The following KMT2C variants were observed in gnomAD, a reference collection of about 807,000 sequenced individuals.
The protein encoded by KMT2C is histone-lysine N-methyltransferase 2C.
KMT2C carries 88 observed loss-of-function variants against 507.9 expected under a neutral mutation model. The observed-to-expected ratio is 0.17, with a 90% CI of 0.15 to 0.21. The LOEUF is 0.21. Ranked by LOEUF, KMT2C falls within the 10% of genes least tolerant of loss-of-function variation. The probability of loss-of-function intolerance (pLI) is 1.00; values close to 1 mark genes in which losing one functional copy is unlikely to be tolerated. For missense variants in KMT2C, 4,954 were observed against 5,957.8 expected (o/e 0.83, Z 5.55); for synonymous variants, 2,049 against 2,080.8 (o/e 0.98, Z 0.42).
chr7:152,259,586 A>T (rs1393152576), intron 9 of KMT2C, among the ~76,000 whole-genome samples: 1 of 152,150 alleles, frequency 6.6e-6, no homozygotes, highest in African/African-American at 2.4e-5. Context: ...ATTTTCTCCA[A>T]CTTTTAGAGT....
intron 14 of KMT2C, among the ~76,000 whole-genome samples, chr7:152,247,432 C>A (rs1409386468): frequency 6.6e-6 from 1 of 152,014 alleles, no homozygotes; most frequent in East Asian, 1.9e-4. Context: ...ATAAAAACAT[C>A]AAAATGAGAA....
At chr7:152,189,688 T>C (rs898105830) in intron 31 of KMT2C, among the ~76,000 whole-genome samples, 1 of 152,218 alleles carries the variant, frequency 6.6e-6, no homozygotes, top group African/African-American at 2.4e-5. Context: ...CCTAGAACTC[T>C]CTGACTTTCA....
At chr7:152,426,578 C>A (rs2097821715) in intron 1 of KMT2C, among the ~76,000 whole-genome samples, 1 of 151,956 alleles carries the variant, frequency 6.6e-6, no homozygotes, top group Admixed American at 6.6e-5. Flanking sequence ...TTTCTAATCA[C>A]TTCTGTCTCT....
chr7:152,183,694 C>T (rs755600152), intron 34 of KMT2C, among the ~76,000 whole-genome samples: 3 of 151,790 alleles, frequency 2.0e-5, no homozygotes, highest in Admixed American at 6.6e-5. Flanking sequence ...GTCGGGAGTT[C>T]GACACCAGCC....
At chr7:152,408,307 T>C (rs1203301708) in intron 1 of KMT2C, among the ~76,000 whole-genome samples, 1 of 142,396 alleles carries the variant, frequency 7.0e-6, no homozygotes, top group Non-Finnish European at 1.6e-5. Context: ...AAAAAAAAAA[T>C]AGTGGCCAAG....
intron 7 of KMT2C, among the ~76,000 whole-genome samples, chr7:152,265,604 T>A (rs1380594649): frequency 1.3e-5 from 2 of 152,204 alleles, no homozygotes; most frequent in Non-Finnish European, 2.9e-5. Flanking sequence ...AAACATTTTC[T>A]TTGAATGTTA....
chr7:152,215,513 CAAAAAA>C (rs35751147), intron 23 of KMT2C, among the ~76,000 whole-genome samples: 5 of 25,956 alleles, frequency 1.9e-4, no homozygotes, highest in East Asian at 1.3e-3. Flanking sequence ...GACTCTGTCT[CAAAAAA>C]AAAAAAAAAA....
chr7:152,251,248 A>C (rs1225753479), intron 11 of KMT2C, among the ~76,000 whole-genome samples: 1 of 152,216 alleles, frequency 6.6e-6, no homozygotes, highest in Non-Finnish European at 1.5e-5. Flanking sequence ...GGAGTTCAAG[A>C]CCAACCAGGC....
chr7:152,240,231 C>G (rs2095357877), intron 14 of KMT2C, among the ~76,000 whole-genome samples: 1 of 152,240 alleles, frequency 6.6e-6, no homozygotes. Flanking sequence ...CAACTTGAAT[C>G]TGTACCTATG....
intron 6 of KMT2C, among the ~76,000 whole-genome samples, chr7:152,277,083 T>C (rs1666033526): frequency 6.7e-6 from 1 of 150,130 alleles, no homozygotes; most frequent in African/African-American, 2.4e-5. Context: ...GAACAAAATT[T>C]GAGATTAAAG....
At chr7:152,187,208 G>A in intron 33 of KMT2C, 54 bp downstream of exon 33, 1 of 1,386,642 alleles carries the variant, frequency 7.2e-7, no homozygotes, top group Non-Finnish European at 1.0e-6. Context: ...AAAAAAAAAG[G>A]TATTGCACAT....
Position 152,163,267 on chromosome 7 carries a change from A to C in KMT2C, c.10310T>G (p.Val3437Gly), listed in dbSNP as rs1348503057. The change falls in exon 43 of 59, where the codon GTG becomes GGG. Residue 3437 changes from valine (V) to glycine (G), a missense_variant. Physicochemically the swap from Val to Gly is moderately radical, Grantham distance 109. Transcript: ENST00000262189. ...QRMEMEQHGM[V>G]GSEISSSRTS... ...CCTACTACTACTTATCTCAGAGCCC[A>C]CCATACCATGCTGCTCCATTTCCAT... 1 of 1,614,054 alleles carries C rather than the reference A, an allele frequency of 6.2e-7. No individual in the cohort carries two copies. The highest frequency in any genetic ancestry group is 8.5e-7 in the Non-Finnish European group (1 of 1,180,042).
At chr7:152,157,702 T>C (rs1208382474) in intron 44 of KMT2C, 37 of 1,022,158 alleles carry the variant, frequency 3.6e-5, no homozygotes, top group Non-Finnish European at 4.4e-5. Context: ...ACAAGCTCTA[T>C]CAATTCTGAC....
At chr7:152,200,919 C>G (rs2094116854) in intron 26 of KMT2C, among the ~76,000 whole-genome samples, 2 of 152,062 alleles carry the variant, frequency 1.3e-5, no homozygotes, top group Admixed American at 1.3e-4. Context: ...ATGAAAAAGT[C>G]ATCTCACTAT....
intron 52 of KMT2C, among the ~76,000 whole-genome samples, 173 bp downstream of exon 52, chr7:152,147,860 T>C (rs2091294905): frequency 6.6e-6 from 1 of 152,192 alleles, no homozygotes; most frequent in Admixed American, 6.5e-5. Flanking sequence ...TAGACAACTG[T>C]ATAGCAAAGA....
chr7:152,309,798 G>C (rs999438300), intron 6 of KMT2C, 168 bp downstream of exon 6: 1 of 507,220 alleles, frequency 2.0e-6, no homozygotes, highest in African/African-American at 2.0e-5. Context: ...TGGGATTACA[G>C]GTGTGAGCCA....
rs587778500 is a variant in KMT2C, at chr7:152,176,994, T to C, written c.8459A>G (p.Asn2820Ser). The change falls in exon 38 of 59, where the codon AAT becomes AGT. Residue 2820 changes from asparagine to serine, a missense_variant. Asn to Ser is a conservative substitution (Grantham distance 46). Coordinates refer to ENST00000262189, the MANE Select transcript of KMT2C (RefSeq NM_170606.3). ...HSPQKKSTVTNEVKTEVLSPN... is the reference protein window; with the variant it reads ...HSPQKKSTVTSEVKTEVLSPN... ...AGACAGTACTTCCGTTTTTACCTCA[T>C]TGGTAACAGTGGATTTTTTCTGTGG... 20 of 1,613,958 alleles carry C rather than the reference T, an allele frequency of 1.2e-5. No individual in the cohort carries two copies. The highest frequency in any genetic ancestry group is 1.6e-4 in the Middle Eastern group (1 of 6,084).
At chr7:152,185,384 ACT>A (rs1272321415) in intron 34 of KMT2C, among the ~76,000 whole-genome samples, 172 bp downstream of exon 34, 1 of 152,132 alleles carries the variant, frequency 6.6e-6, no homozygotes, top group South Asian at 2.1e-4. Context: ...AAAATGTCAC[ACT>A]CTCTATTAAG....
intron 3 of KMT2C, among the ~76,000 whole-genome samples, chr7:152,319,250 A>G: frequency 6.6e-6 from 1 of 152,342 alleles, no homozygotes. Flanking sequence ...TATATAGATC[A>G]TAGATATGAT....
Sources: allele counts gnomAD v4.1 joint callset (sites outside exome capture counted in the v4.1 genomes callset), GRCh38; gene constraint gnomAD v4.1.1; transcripts MANE v1.5; gene names NCBI Gene and HGNC (gene_info 2026-07-23, HGNC 2026-07-21).